Variants in RECQL4 observed in about 807,000 individuals in gnomAD.
RECQL4 encodes the protein RecQ like helicase 4.
RECQL4 carries 158 observed loss-of-function variants against 128.6 expected under a neutral mutation model. The observed-to-expected ratio is 1.23, with a 90% CI of 1.08 to 1.40. The LOEUF (loss-of-function observed/expected upper bound fraction) is 1.40, where lower values mean the gene tolerates loss of function less well. Among genes scored for constraint, RECQL4 ranks in the 40% most tolerant of loss-of-function variants. RECQL4 has a pLI of 0.00. For synonymous variants in RECQL4, 996 were observed against 678.9 expected, an observed-to-expected ratio of 1.47 and a Z score of -7.26; for missense variants, 2,293 against 1,649.8, an observed-to-expected ratio of 1.39 and a Z score of -6.75.
In RECQL4 at chr8:144,515,090, CA is replaced by C; in HGVS notation, c.1484-19del. The C allele has an allele frequency of 6.3e-7, 1 of 1,596,648 alleles. No homozygotes were observed. Among genetic ancestry groups the C allele is most frequent in the South Asian group, 1.1e-5 (1 of 88,510 alleles). ...GGAGATGCCTGGATGGGGCGGGAGT[CA>C]GCAGCAGGGTTCTGCAGCCTGGCCT... On this transcript the variant is annotated intron_variant, in intron 8 of 20. Transcript: ENST00000617875.
chr8:144,513,196 TGTG>T lies in RECQL4; in HGVS notation c.2463+19_2463+21del, dbSNP rs1214772424. 2.3e-5 allele frequency: 12 copies of T among 514,474 alleles called. No individual in the cohort carries two copies. The highest frequency in any genetic ancestry group is 2.2e-4 in the East Asian group (4 of 18,520). 31.9% of individuals were successfully genotyped at this position (514,474 alleles called of 1,614,324 possible). A position where few individuals can be genotyped will look rare whatever the true frequency, so the allele number is the denominator to read the frequency against. ...CCACTGGGGGCTCGAGCACTGGCAG[TGTG>T]GGGGGGGGGGGTGCCAACCTGGGGC... is the stretch of plus-strand genomic sequence containing the variant. On this transcript the variant is annotated intron_variant, in intron 14 of 20. Transcript: ENST00000617875.
chr8:144,516,255 C>G lies in RECQL4; in HGVS notation c.864G>C (p.Gly288=). 1 of 1,612,590 alleles carries G rather than the reference C, an allele frequency of 6.2e-7. No homozygotes were observed. The highest frequency in any genetic ancestry group is 8.5e-7 in the Non-Finnish European group (1 of 1,179,690). Residue 288 remains glycine (G), a synonymous_variant, in exon 5 of 21, where the codon GGG becomes GGC. Transcript: ENST00000617875. The stretch of plus-strand genomic sequence containing the variant: ...CTTCCTCAACTGCTACAGCCCCAGC[C>G]CCCTCCGATGGGGGTCCAGCTTGGC... ...ESSQAGPPSE[G]AGAVAVEEDP... is the part of the protein sequence containing the mutation.
Position 144,515,752 on chromosome 8 carries a change from C to T in RECQL4, c.1258+12G>A, listed in dbSNP as rs1828071822. 3 of 1,611,810 alleles carry T rather than the reference C, an allele frequency of 1.9e-6. No homozygotes were observed. Among genetic ancestry groups the T allele is most frequent in the Non-Finnish European group, 2.5e-6 (3 of 1,179,498 alleles). On this transcript the variant is annotated intron_variant, in intron 6 of 20. Transcript: ENST00000617875. Reference sequence around the variant, plus strand: ...TGTTGGCCGGACCCACCCTCCAGGGCAGATGTCTCACCTGGCCGGGGACAC... The same window carrying T: ...TGTTGGCCGGACCCACCCTCCAGGGTAGATGTCTCACCTGGCCGGGGACAC...
In RECQL4 at chr8:144,514,020, GGTGCTGTGCCAC is replaced by G; in HGVS notation, c.1954_1965del (p.Val652_His655del). The G allele has an allele frequency of 6.4e-7, 1 of 1,572,622 alleles. No individual in the cohort carries two copies. The highest frequency in any genetic ancestry group is 8.6e-7 in the Non-Finnish European group (1 of 1,159,994). ...AGGTCAGGCTCTTCAGCCACAGCCA[GGTGCTGTGCCAC>G]GTCACTGGCAGTGCGGCGTGTGGCT... On this transcript the variant is annotated inframe_deletion, in exon 12 of 21. Transcript: ENST00000617875.
Position 144,513,702 on chromosome 8 carries a change from G to A in RECQL4, c.2069C>T (p.Thr690Met), listed in dbSNP as rs369950284. The A allele has an allele frequency of 2.6e-5, 40 of 1,550,364 alleles. No homozygotes were observed. Among genetic ancestry groups the A allele is most frequent in the East Asian group, 2.4e-4 (10 of 40,922 alleles). The change falls in exon 13 of 21, where the codon ACG (threonine) becomes ATG (methionine). Residue 690 changes from threonine (T) to methionine (M), a missense_variant. Physicochemically the swap from Thr to Met is moderately conservative, Grantham distance 81. Transcript: ENST00000617875. ...TTGAAAACGTTTGCCTTGCAGCAGC[G>A]TCAACAGTGCCTGATGAGGAGCGGT... Reference protein sequence around the residue: ...MDRDTDQALLTLLQGKRFQNL... With the variant: ...MDRDTDQALLMLLQGKRFQNL...
At position 144,511,966 on chromosome 8, in the gene RECQL4, C is replaced by T. The variant is rs572936673; in HGVS notation, c.3338G>A (p.Gly1113Glu). 86 of 1,611,612 alleles carry T rather than the reference C, an allele frequency of 5.3e-5. No homozygotes were observed. In the South Asian group the frequency reaches 7.2e-4, roughly 14 times the overall value. ...LLGRYFEEEE[G>E]QEPGGMEDAQ... ...GTCCTCCATGCCTCCCGGCTCCTGCCCTTCCTCTTCCTCAAAGTAGCGGCC... is the reference window on the plus strand; with the variant it reads ...GTCCTCCATGCCTCCCGGCTCCTGCTCTTCCTCTTCCTCAAAGTAGCGGCC... The change falls in exon 19 of 21, where the codon GGG becomes GAG. Residue 1113 changes from glycine to glutamate, a missense_variant. Gly to Glu is a moderately conservative substitution (Grantham distance 98). Coordinates refer to ENST00000617875, the MANE Select transcript of RECQL4 (RefSeq NM_004260.4).
Position 144,513,295 on chromosome 8 carries a change from C to T in RECQL4, c.2386G>A (p.Glu796Lys), listed in dbSNP as rs746005466. ...CGGCCCACGGCCTGCACGTAGCTCTCGAAGCTTGGGGGCAGCCCCAGATGC... is the reference window on the plus strand; with the variant it reads ...CGGCCCACGGCCTGCACGTAGCTCTTGAAGCTTGGGGGCAGCCCCAGATGC... ...VLHLGLPPSF[E>K]SYVQAVGRAG... Residue 796 changes from glutamate to lysine, a missense_variant, in exon 14 of 21, where the codon GAG becomes AAG. Transcript: ENST00000617875. 69 of 1,599,602 alleles carry T rather than the reference C, an allele frequency of 4.3e-5. No individual in the cohort carries two copies. Among genetic ancestry groups the T allele is most frequent in the African/African-American group, 1.3e-4 (10 of 74,878 alleles).
rs757540549 is a variant in RECQL4, at chr8:144,513,060, G to C, written c.2542C>G (p.Arg848Gly). Residue 848 changes from arginine (R) to glycine (G), a missense_variant, in exon 15 of 21, where the codon CGC (arginine) becomes GGC (glycine). Physicochemically the swap from Arg to Gly is moderately radical, Grantham distance 125. Transcript: ENST00000617875. ...GTGCAGGTGCAGGCTGGGAACACGC[G>C]CTGTACCAGCCTCTTCACAGCCAGG... ...DFLAVKRLVQ[R>G]VFPACTCTCT... is the part of the protein sequence containing the mutation. The C allele has an allele frequency of 6.3e-7, 1 of 1,580,498 alleles. No individual in the cohort carries two copies. The highest frequency in any genetic ancestry group is 2.3e-5 in the East Asian group (1 of 43,160).
intron 18 of RECQL4, 31 bp downstream of exon 18, chr8:144,512,113 T>G (rs776230489): frequency 8.7e-6 from 14 of 1,602,122 alleles, no homozygotes; most frequent in Admixed American, 6.8e-5. Context: ...GGAGGGTGGA[T>G]GGTCCCAGGC....
Position 144,517,740 on chromosome 8 carries a change from C to A in RECQL4, c.45G>T (p.Glu15Asp). 1.5e-6 allele frequency: 2 copies of A among 1,341,752 alleles called. No homozygotes were observed. Among genetic ancestry groups the A allele is most frequent in the South Asian group, 1.8e-5 (1 of 55,826 alleles). The allele number at this position is 1,341,752 out of a possible 1,614,324, so 83.1% of individuals were successfully genotyped here. A position where few individuals can be genotyped will look rare whatever the true frequency, so the allele number is the denominator to read the frequency against. ...GCCCGCGCTGCCGTCGGAACGCGCG[C>A]TCCCACGCCTGCAGCCGCTCCCGCA... is the stretch of plus-strand genomic sequence containing the variant. The part of the protein sequence containing the change: ...RDVRERLQAW[E>D]RAFRRQRGRR... Residue 15 changes from glutamate to aspartate, a missense_variant, in exon 1 of 21, where the codon GAG becomes GAT. Transcript: ENST00000617875.
rs770367395 is a variant in RECQL4 at position 144,514,314 on chromosome 8, C to G, written c.1753G>C (p.Val585Leu). The change falls in exon 11 of 21, where the codon GTG becomes CTG. Residue 585 changes from valine (V) to leucine (L), a missense_variant. Val to Leu is a conservative substitution (Grantham distance 32). Transcript: ENST00000617875. ...HVLMLTPEAL[V>L]GAGGLPPAAQ... ...GCTGGAGGGAGGCCTCCCGCCCCCA[C>G]CAGTGCCTCAGGTGTCAGCATCAGC... 1.9e-6 allele frequency: 3 copies of G among 1,609,680 alleles called. No individual in the cohort carries two copies. In the South Asian group the frequency reaches 3.3e-5, roughly 18 times the overall value.
Position 144,513,150 on chromosome 8 carries a change from C to CT in RECQL4, c.2464-13dup. On this transcript the variant is annotated splice_polypyrimidine_tract_variant and intron_variant, in intron 14 of 20. Transcript: ENST00000617875. ...CGCAGGTCTTCGCCCTGCAGGGCAA[C>CT]TTTCATGAGGGTGGGGTGGACCACT... 1 of 1,496,952 alleles carries CT rather than the reference C, an allele frequency of 6.7e-7. No homozygotes were observed. Among genetic ancestry groups the CT allele is most frequent in the Non-Finnish European group, 8.9e-7 (1 of 1,123,534 alleles). The allele number at this position is 1,496,952 out of a possible 1,614,324, so 92.7% of individuals were successfully genotyped here. A position where few individuals can be genotyped will look rare whatever the true frequency, so the allele number is the denominator to read the frequency against.
intron 4 of RECQL4, 76 bp from the exon 5 acceptor site, chr8:144,516,840 C>A: frequency 7.0e-7 from 1 of 1,426,152 alleles, no homozygotes; most frequent in South Asian, 1.4e-5. Context: ...CTACCTGAGT[C>A]CCCACGCTCA....
Position 144,516,505 on chromosome 8 carries a change from G to A in RECQL4, c.614C>T (p.Pro205Leu), listed in dbSNP as rs751975669. 8.1e-6 allele frequency: 13 copies of A among 1,608,998 alleles called. No individual in the cohort carries two copies. Among genetic ancestry groups the A allele is most frequent in the Non-Finnish European group, 1.1e-5 (13 of 1,179,598 alleles). ...GCCTAGATCAGGCCTGCAGGCTTTG[G>A]GGGCCCCCAGAAAATCTGGGACCTC... ...HSEVPDFLGAPKACRPDLGSE... is the reference protein window; with the variant it reads ...HSEVPDFLGALKACRPDLGSE... The change falls in exon 5 of 21, where the codon CCC (proline) becomes CTC (leucine). Residue 205 changes from proline (P) to leucine (L), a missense_variant. By Grantham distance (98) the Pro-to-Leu change is moderately conservative. Transcript: ENST00000617875.
Position 144,516,055 on chromosome 8 carries a change from C to G in RECQL4, c.1064G>C (p.Arg355Pro), listed in dbSNP as rs374743591. 1.4e-5 allele frequency: 22 copies of G among 1,612,526 alleles called. No homozygotes were observed. The highest frequency in any genetic ancestry group is 1.6e-5 in the Non-Finnish European group (19 of 1,179,834). ...GTAGTGTTTCTGCTTCATGTTGAGC[C>G]GTACGTAATTGCCCCTGTCATGGCG... ...LARHDRGNYV[R>P]LNMKQKHYVR... is the part of the protein sequence containing the mutation. Residue 355 changes from arginine (R) to proline (P), a missense_variant, in exon 5 of 21, where the codon CGG (arginine) becomes CCG (proline). Physicochemically the swap from Arg to Pro is moderately radical, Grantham distance 103. Transcript: ENST00000617875.
Position 144,512,630 on chromosome 8 carries a change from G to A in RECQL4, c.2885+12C>T, listed in dbSNP as rs775528539. On this transcript the variant is annotated intron_variant, in intron 16 of 20. Coordinates refer to ENST00000617875, the MANE Select transcript of RECQL4 (RefSeq NM_004260.4). ...CTCCAACCTCGTCTCCAACTGGGCA[G>A]GGCGTGCTTACCTGTGGGCCAGGGC... The A allele has an allele frequency of 3.1e-6, 5 of 1,612,006 alleles. No homozygotes were observed. Among genetic ancestry groups the A allele is most frequent in the East Asian group, 2.2e-5 (1 of 44,820 alleles).
At position 144,516,070 on chromosome 8, in the gene RECQL4, C is replaced by A; in HGVS notation, c.1049G>T (p.Arg350Met). The change falls in exon 5 of 21, where the codon AGG becomes ATG. Residue 350 changes from arginine (R) to methionine (M), a missense_variant. Transcript: ENST00000617875. ...HIFPRLARHD[R>M]GNYVRLNMKQ... is the part of the protein sequence containing the mutation. ...CATGTTGAGCCGTACGTAATTGCCC[C>A]TGTCATGGCGGGCCAGCCGAGGGAA... 1 of 1,612,416 alleles carries A rather than the reference C, an allele frequency of 6.2e-7. No individual in the cohort carries two copies. The highest frequency in any genetic ancestry group is 2.2e-5 in the East Asian group (1 of 44,880).
At chr8:144,512,355 C>T (rs2130661102) in intron 17 of RECQL4, 31 bp from the exon 18 acceptor site, 1 of 1,610,882 alleles carries the variant, frequency 6.2e-7, no homozygotes, top group South Asian at 1.1e-5. Flanking sequence ...TGCAGGCAGG[C>T]AGCGTCCAGG....
At position 144,513,148 on chromosome 8, in the gene RECQL4, A is replaced by G. The variant is rs1223207832; in HGVS notation, c.2464-10T>C. 7.5e-7 allele frequency: 1 copy of G among 1,340,892 alleles called. No individual in the cohort carries two copies. The highest frequency in any genetic ancestry group is 9.8e-7 in the Non-Finnish European group (1 of 1,021,346). The allele number at this position is 1,340,892 out of a possible 1,614,324, so 83.1% of individuals were successfully genotyped here. A position where few individuals can be genotyped will look rare whatever the true frequency, so the allele number is the denominator to read the frequency against. ...CTCGCAGGTCTTCGCCCTGCAGGGC[A>G]ACTTTCATGAGGGTGGGGTGGACCA... On this transcript the variant is annotated splice_polypyrimidine_tract_variant and intron_variant, in intron 14 of 20. Transcript: ENST00000617875.
Sources: allele counts gnomAD v4.1 joint callset, GRCh38; gene constraint gnomAD v4.1.1; transcripts MANE v1.5; gene names NCBI Gene and HGNC (gene_info 2026-07-23, HGNC 2026-07-21).